TSHZ2: variants seen among roughly 807,000 people sequenced by gnomAD.
The protein encoded by TSHZ2 is teashirt homolog 2.
In TSHZ2, 21 loss-of-function variants were observed where a neutral mutation model predicts 74.4. That is an observed-to-expected ratio of 0.28 (90% confidence interval 0.20 to 0.41). The LOEUF is 0.41. TSHZ2 is among the 10% of genes least tolerant of loss of function. The pLI, the probability that TSHZ2 is intolerant of heterozygous loss-of-function variation, is 1.00. For missense variants in TSHZ2, 1,244 were observed against 1,293.5 expected (o/e 0.96, Z 0.59); for synonymous variants, 540 against 515.3 (o/e 1.05, Z -0.65).
intron 1 of TSHZ2, among the ~76,000 whole-genome samples, chr20:53,212,268 C>G (rs1013132067): frequency 6.6e-6 from 1 of 152,144 alleles, no homozygotes; most frequent in Non-Finnish European, 1.5e-5. Context: ...AACATACTTG[C>G]GGATATTTGA....
At chr20:53,016,844 C>T (rs1280302825) in intron 1 of TSHZ2, among the ~76,000 whole-genome samples, 1 of 152,138 alleles carries the variant, frequency 6.6e-6, no homozygotes, top group Non-Finnish European at 1.5e-5. Flanking sequence ...ATAAAGCTGA[C>T]CTTGCATAAT....
intron 1 of TSHZ2, among the ~76,000 whole-genome samples, chr20:53,183,535 G>C (rs1488940533): frequency 6.6e-6 from 1 of 152,146 alleles, no homozygotes; most frequent in Non-Finnish European, 1.5e-5. Context: ...GGATGATTCT[G>C]TTTGGCAGGA....
chr20:53,458,048 T>C (rs1031353761), intron 2 of TSHZ2, among the ~76,000 whole-genome samples: 1 of 152,130 alleles, frequency 6.6e-6, no homozygotes, highest in African/African-American at 2.4e-5. Context: ...TGCCCGGCTT[T>C]GGTATCAGAA....
intron 1 of TSHZ2, among the ~76,000 whole-genome samples, chr20:53,210,253 G>T (rs540015036): frequency 6.6e-6 from 1 of 152,322 alleles, no homozygotes; most frequent in Non-Finnish European, 1.5e-5. Context: ...CAGCTCAATG[G>T]ACCCTCTGCC....
chr20:53,011,316 A>G (rs959672098), intron 1 of TSHZ2, among the ~76,000 whole-genome samples: 1 of 152,244 alleles, frequency 6.6e-6, no homozygotes, highest in African/African-American at 2.4e-5. Flanking sequence ...AATTTCAAAT[A>G]TCACACTGTA....
intron 1 of TSHZ2, among the ~76,000 whole-genome samples, chr20:53,199,656 C>A (rs542084612): frequency 1.4e-3 from 210 of 152,204 alleles, no homozygotes; most frequent in African/African-American, 4.4e-3. Flanking sequence ...CTAGGTTAGG[C>A]CCCCACTGGA....
intron 2 of TSHZ2, among the ~76,000 whole-genome samples, chr20:53,323,824 C>T (rs139961247): frequency 1.9e-4 from 29 of 152,182 alleles, no homozygotes; most frequent in African/African-American, 6.5e-4. Flanking sequence ...GTGATCCACC[C>T]GCCCCGGCCT....
intron 2 of TSHZ2, among the ~76,000 whole-genome samples, chr20:53,311,647 C>T (rs1451270275): frequency 6.6e-6 from 1 of 152,232 alleles, no homozygotes; most frequent in African/African-American, 2.4e-5. Context: ...CAGAAAACAA[C>T]TTGGCCACAT....
At position 53,182,234 on chromosome 20, in the gene TSHZ2, C is replaced by CTCCTTCCTTCCTTCTTTCCG. The variant is rs6147376; in HGVS notation, c.41-71250_41-71249insTTCCGTCCTTCCTTCCTTCT. Reference sequence around the variant, plus strand: ...CACTCCCTCCTTCCCTCTTGACTCCCTCCTTCCTTCCTTCTATCATTTTTT... The same window carrying CTCCTTCCTTCCTTCTTTCCG: ...CACTCCCTCCTTCCCTCTTGACTCCCTCCTTCCTTCCTTCTTTCCGTCCTTCCTTCCTTCTATCATTTTTT... On this transcript the variant is annotated intron_variant, in intron 1 of 2. Coordinates refer to ENST00000371497, the MANE Select transcript of TSHZ2 (RefSeq NM_173485.6). Among the ~76,000 whole-genome samples the CTCCTTCCTTCCTTCTTTCCG allele has an allele frequency of 5.5e-5, 8 of 146,542 alleles. No homozygotes were observed. In the East Asian group the frequency reaches 1.4e-3, roughly 27 times the overall value.
intron 1 of TSHZ2, among the ~76,000 whole-genome samples, chr20:53,167,325 T>C (rs1343268441): frequency 6.6e-6 from 1 of 152,230 alleles, no homozygotes; most frequent in Non-Finnish European, 1.5e-5. Context: ...ACATTTTCTC[T>C]TCTGATCTTC....
chr20:53,031,666 A>G (rs950626306), intron 1 of TSHZ2, among the ~76,000 whole-genome samples: 2 of 152,206 alleles, frequency 1.3e-5, no homozygotes, highest in African/African-American at 4.8e-5. Flanking sequence ...GTGGGAGGGT[A>G]TGATCCTCAA....
chr20:53,267,292 C>T (rs1990740682), intron 2 of TSHZ2, among the ~76,000 whole-genome samples: 4 of 152,056 alleles, frequency 2.6e-5, no homozygotes, highest in Admixed American at 6.6e-5. Context: ...GTCGAGGCTC[C>T]GAGGCCAGTA....
chr20:53,382,723 G>A (rs1228294714), intron 2 of TSHZ2, among the ~76,000 whole-genome samples: 1 of 152,196 alleles, frequency 6.6e-6, no homozygotes. Context: ...GGATCATATA[G>A]TTCTGAAGAT....
rs1342507630 is a variant in TSHZ2, at chr20:53,154,311, TA to T, written c.41-99185del. ...GACCAAAAAAAATTTTTTTAAGAAGTAAATGTTTTTTTAACATTGCTCCTAT... is the reference window on the plus strand; with the variant it reads ...GACCAAAAAAAATTTTTTTAAGAAGTAATGTTTTTTTAACATTGCTCCTAT... On this transcript the variant is annotated intron_variant, in intron 1 of 2. Transcript: ENST00000371497. 1.8e-3 allele frequency among the ~76,000 whole-genome samples: 258 copies of T among 146,468 alleles called. 1 individual carries two copies. The highest frequency in any genetic ancestry group is 6.1e-3 in the African/African-American group (247 of 40,530).
chr20:53,046,665 G>T (rs1462154953), intron 1 of TSHZ2, among the ~76,000 whole-genome samples: 1 of 151,852 alleles, frequency 6.6e-6, no homozygotes, highest in African/African-American at 2.4e-5. Context: ...CAAAACCCTG[G>T]GAACTCAGCC....
intron 1 of TSHZ2, among the ~76,000 whole-genome samples, chr20:53,222,059 G>A (rs1989575091): frequency 6.6e-6 from 1 of 152,096 alleles, no homozygotes; most frequent in African/African-American, 2.4e-5. Context: ...ATGGCTAATG[G>A]TCAAAAGCTA....
intron 1 of TSHZ2, among the ~76,000 whole-genome samples, chr20:53,040,010 G>A (rs976973409): frequency 1.3e-5 from 2 of 152,064 alleles, no homozygotes; most frequent in Non-Finnish European, 2.9e-5. Flanking sequence ...GGAGGTTGAG[G>A]CAGGAGAATC....
At position 52,973,268 on chromosome 20, in the gene TSHZ2, G is replaced by C. The variant is rs758086062; in HGVS notation, c.-26G>C. On this transcript the variant is annotated 5_prime_UTR_variant, in exon 1 of 3. Transcript: ENST00000371497. ...CGCGCGGCTCGGGGCTGGGGCGCCA[G>C]AAGTGGGACTGGAGCGAAGTAGAGG... 1.9e-6 allele frequency: 3 copies of C among 1,552,082 alleles called. No individual in the cohort carries two copies. The Admixed American group carries it at 5.9e-5, about 30-fold the overall frequency.
intron 1 of TSHZ2, among the ~76,000 whole-genome samples, chr20:52,980,321 A>T (rs1307868244): frequency 2.6e-5 from 4 of 152,090 alleles, no homozygotes; most frequent in African/African-American, 9.7e-5. Context: ...GCTCTTTTGC[A>T]TCTCTCTCCA....
Sources: gnomAD v4.1 joint callset for allele counts (sites outside exome capture counted in the v4.1 genomes callset) on GRCh38, gnomAD v4.1.1 for gene constraint, MANE v1.5 for transcripts, NCBI Gene and HGNC (gene_info 2026-07-23, HGNC 2026-07-21) for gene names.